The following SFXN1 variants were observed in gnomAD, a reference collection of about 807,000 sequenced individuals.
The protein encoded by SFXN1 is sideroflexin 1.
SFXN1 carries 32 observed loss-of-function variants against 39.5 expected under a neutral mutation model. The observed-to-expected ratio is 0.81, with a 90% CI of 0.61 to 1.09. The LOEUF (loss-of-function observed/expected upper bound fraction) is 1.09. SFXN1 is among the 50% of genes least tolerant of loss of function. The probability of loss-of-function intolerance (pLI) is 0.00; values close to 1 mark genes in which losing one functional copy is unlikely to be tolerated. For missense variants in SFXN1, 402 were observed against 407.1 expected, an observed-to-expected ratio of 0.99 and a Z score of 0.11; for synonymous variants, 136 against 146.5, an observed-to-expected ratio of 0.93 and a Z score of 0.52.
chr5:175,492,160 C>T lies in SFXN1; in HGVS notation c.57C>T (p.Ser19=), dbSNP rs773169216. ...INIKEPRWDQ[S]TFIGRANHFF... The stretch of plus-strand genomic sequence containing the variant: ...TCAAGGAACCTCGATGGGATCAAAG[C>T]ACTTTCATTGGACGAGCCAATCATT... Residue 19 remains serine, a synonymous_variant, in exon 2 of 11, where the codon AGC becomes AGT. Transcript: ENST00000321442. 10 of 1,613,940 alleles carry T rather than the reference C, an allele frequency of 6.2e-6. No homozygotes were observed. In the South Asian group the frequency reaches 7.7e-5, roughly 12 times the overall value.
Position 175,529,387 on chromosome 5 carries a change from A to ATCTTT in SFXN1, c.*2655_*2659dup, listed in dbSNP as rs1037973045. ...AAAGGGATGATGAACATGGAGCTGC[A>ATCTTT]TCTTTTTAAACGTTGTTTTTTGATG... On this transcript the variant is annotated 3_prime_UTR_variant, in exon 11 of 11. Coordinates refer to ENST00000321442, the MANE Select transcript of SFXN1 (RefSeq NM_022754.7). 2 of 152,178 alleles carry ATCTTT rather than the reference A, an allele frequency of 1.3e-5. No individual in the cohort carries two copies. Among genetic ancestry groups the ATCTTT allele is most frequent in the African/African-American group, 4.8e-5 (2 of 41,438 alleles). 9.4% of individuals were successfully genotyped at this position (152,178 alleles called of 1,614,324 possible).
At chr5:175,484,799 A>G (rs1032833356) in intron 1 of SFXN1, among the ~76,000 whole-genome samples, 6 of 152,238 alleles carry the variant, frequency 3.9e-5, no homozygotes, top group African/African-American at 1.4e-4. Flanking sequence ...AGGTTCAAGC[A>G]GTCCTTCCAC....
intron 2 of SFXN1, among the ~76,000 whole-genome samples, chr5:175,500,629 C>T (rs1760040349): frequency 6.6e-6 from 1 of 152,102 alleles, no homozygotes; most frequent in Non-Finnish European, 1.5e-5. Context: ...CAAGCTACTT[C>T]TAACGTTTAT....
At chr5:175,522,554 A>G in intron 10 of SFXN1, 132 bp downstream of exon 10, 1 of 826,436 alleles carries the variant, frequency 1.2e-6, no homozygotes, top group East Asian at 2.6e-5. Flanking sequence ...AGGGTCTCTT[A>G]AAAGGAAGGG....
At chr5:175,517,076 A>G (rs961235327) in intron 8 of SFXN1, among the ~76,000 whole-genome samples, 1 of 152,224 alleles carries the variant, frequency 6.6e-6, no homozygotes, top group Non-Finnish European at 1.5e-5. Flanking sequence ...AGTGACAAAC[A>G]CTGAACAGAA....
At chr5:175,482,661 G>C in intron 1 of SFXN1, among the ~76,000 whole-genome samples, 1 of 152,044 alleles carries the variant, frequency 6.6e-6, no homozygotes, top group East Asian at 1.9e-4. Flanking sequence ...ATTAATAAAG[G>C]CCTCTTATAC....
At chr5:175,525,880 C>T (rs1244793696) in intron 10 of SFXN1, 1 of 152,214 alleles carries the variant, frequency 6.6e-6, no homozygotes, top group Non-Finnish European at 1.5e-5. Context: ...TCACAAAGCT[C>T]CGAGATTACA....
At chr5:175,492,493 A>C in intron 2 of SFXN1, 1 of 394,888 alleles carries the variant, frequency 2.5e-6, no homozygotes. Context: ...AATGGGAGTC[A>C]TCCCTCTTAG....
rs557164057 is a variant in SFXN1 at position 175,480,227 on chromosome 5, C to T, written c.-10+1588C>T. 1.1e-4 allele frequency among the ~76,000 whole-genome samples: 16 copies of T among 152,246 alleles called. No homozygotes were observed. In the South Asian group the frequency reaches 2.9e-3, roughly 28 times the overall value. ...CCATCCTGGCTAAGCCGGTGAAACC[C>T]CGTCTCTACTAAAAATACAAAAAAT... On this transcript the variant is annotated intron_variant, in intron 1 of 10. Transcript: ENST00000321442.
intron 1 of SFXN1, among the ~76,000 whole-genome samples, chr5:175,484,352 C>T (rs1759369635): frequency 6.6e-6 from 1 of 152,354 alleles, no homozygotes; most frequent in East Asian, 1.9e-4. Context: ...CACAATCACC[C>T]CCACCCCATG....
At chr5:175,483,394 G>A (rs571597189) in intron 1 of SFXN1, among the ~76,000 whole-genome samples, 7 of 152,054 alleles carry the variant, frequency 4.6e-5, no homozygotes, top group Middle Eastern at 3.4e-3. Context: ...TCTTAATACC[G>A]TTAAAATCCA....
rs1759676034 is a variant in SFXN1, at chr5:175,492,121, A to G, written c.18A>G (p.Pro6=). ...CCGGGACCATGTCTGGAGAACTACC[A>G]CCAAACATTAACATCAAGGAACCTC... MSGEL[P]PNINIKEPRW... The change falls in exon 2 of 11, where the codon CCA becomes CCG. Residue 6 remains proline, a synonymous_variant. Coordinates refer to ENST00000321442, the MANE Select transcript of SFXN1 (RefSeq NM_022754.7). The G allele has an allele frequency of 1.2e-6, 2 of 1,613,550 alleles. No homozygotes were observed. The highest frequency in any genetic ancestry group is 1.7e-6 in the Non-Finnish European group (2 of 1,179,882).
chr5:175,511,360 T>C (rs1760505550), intron 4 of SFXN1, 91 bp from the exon 5 acceptor site: 1 of 971,860 alleles, frequency 1.0e-6, no homozygotes, highest in African/African-American at 1.6e-5. Flanking sequence ...TCATGCTCTT[T>C]TATATTTCCC....
intron 7 of SFXN1, among the ~76,000 whole-genome samples, chr5:175,514,067 A>AT (rs977350427): frequency 3.3e-5 from 5 of 152,104 alleles, no homozygotes; most frequent in African/African-American, 1.2e-4. Flanking sequence ...AGGGTTTTGC[A>AT]TACAGGAGCA....
At chr5:175,495,010 C>G (rs1486641928) in intron 2 of SFXN1, among the ~76,000 whole-genome samples, 1 of 152,148 alleles carries the variant, frequency 6.6e-6, no homozygotes, top group African/African-American at 2.4e-5. Flanking sequence ...CAGCATTATT[C>G]ACAGTAGCCA....
In SFXN1 at chr5:175,527,190, G is replaced by C. The variant is rs1283992817; in HGVS notation, c.*456G>C. 1 of 150,258 alleles carries C rather than the reference G, an allele frequency of 6.7e-6. No individual in the cohort carries two copies. Among genetic ancestry groups the C allele is most frequent in the African/African-American group, 2.7e-5 (1 of 37,470 alleles). 9.3% of individuals were successfully genotyped at this position (150,258 alleles called of 1,614,324 possible). Reference sequence around the variant, plus strand: ...TGAACTGGGAAAATACAAAAGCTCTGGGCTAATCTATAAAAACTTACCCTG... The same window carrying C: ...TGAACTGGGAAAATACAAAAGCTCTCGGCTAATCTATAAAAACTTACCCTG... On this transcript the variant is annotated 3_prime_UTR_variant, in exon 11 of 11. Coordinates refer to ENST00000321442, the MANE Select transcript of SFXN1 (RefSeq NM_022754.7).
chr5:175,489,621 A>G (rs548728626), intron 1 of SFXN1, among the ~76,000 whole-genome samples: 1 of 152,072 alleles, frequency 6.6e-6, no homozygotes, highest in East Asian at 1.9e-4. Context: ...AACACATTCA[A>G]CTCCCCTCTT....
intron 6 of SFXN1, 94 bp from the exon 7 acceptor site, chr5:175,513,369 T>G: frequency 7.6e-7 from 1 of 1,318,462 alleles, no homozygotes; most frequent in Non-Finnish European, 1.0e-6. Flanking sequence ...GGTATTTGAA[T>G]TAAGTAGAGG....
intron 5 of SFXN1, among the ~76,000 whole-genome samples, chr5:175,511,895 A>T (rs528635130): frequency 3.0e-4 from 46 of 152,128 alleles, no homozygotes; most frequent in African/African-American, 1.0e-3. Flanking sequence ...CTGCAACCAC[A>T]CTTAGCTACA....
Sources: allele counts gnomAD v4.1 joint callset (sites outside exome capture counted in the v4.1 genomes callset), GRCh38; gene constraint gnomAD v4.1.1; transcripts MANE v1.5; gene names NCBI Gene and HGNC (gene_info 2026-07-23, HGNC 2026-07-21).